Variants in PDE10A observed in about 807,000 individuals in gnomAD.
The protein encoded by PDE10A is phosphodiesterase 10A.
PDE10A carries 39 observed loss-of-function variants against 97.7 expected under a neutral mutation model. That is an observed-to-expected ratio of 0.40 (90% CI 0.31 to 0.52). The LOEUF is 0.52. PDE10A is among the 20% of genes least tolerant of loss of function. The probability of loss-of-function intolerance (pLI) is 0.56; values close to 1 mark genes in which losing one functional copy is unlikely to be tolerated. For missense variants in PDE10A, 731 were observed against 1,047.8 expected (o/e 0.70, Z 4.17); for synonymous variants, 371 against 376.8 (o/e 0.98, Z 0.18).
chr6:165,392,872 T>TACAG, intron 15 of PDE10A, 76 bp from the exon 16 acceptor site: 11 of 1,298,374 alleles, frequency 8.5e-6, no homozygotes, highest in African/African-American at 1.5e-5. Flanking sequence ...CTAGTTTAGG[T>TACAG]ACATATATGT....
chr6:165,581,403 A>G (rs996971694), intron 1 of PDE10A, among the ~76,000 whole-genome samples: 1 of 152,156 alleles, frequency 6.6e-6, no homozygotes. Flanking sequence ...GCTGAGAGAG[A>G]GATTCATGCC....
intron 17 of PDE10A, among the ~76,000 whole-genome samples, chr6:165,384,110 G>A (rs559249328): frequency 6.6e-6 from 1 of 152,238 alleles, no homozygotes; most frequent in South Asian, 2.1e-4. Context: ...TTTTAAACAG[G>A]AGAAAAACAT....
chr6:165,619,069 G>GTAGTCTAGTGTAGTC (rs1562633666), intron 1 of PDE10A, among the ~76,000 whole-genome samples: 4 of 114,116 alleles, frequency 3.5e-5, no homozygotes, highest in African/African-American at 1.6e-4. Flanking sequence ...GTAGTGTAGT[G>GTAGTCTAGTGTAGTC]TAGTGTAGTC....
intron 18 of PDE10A, among the ~76,000 whole-genome samples, chr6:165,353,529 C>T (rs1473281392): frequency 6.6e-6 from 1 of 151,988 alleles, no homozygotes; most frequent in Non-Finnish European, 1.5e-5. Context: ...GGTACATCCA[C>T]ACAATGCAAT....
intron 1 of PDE10A, among the ~76,000 whole-genome samples, chr6:165,911,763 C>T (rs1365816841): frequency 6.6e-6 from 1 of 152,140 alleles, no homozygotes; most frequent in African/African-American, 2.4e-5. Context: ...TCCAGGCCTA[C>T]CCCCAAGAGG....
At chr6:165,369,488 G>GATGAAATGA (rs1406954768) in intron 18 of PDE10A, among the ~76,000 whole-genome samples, 99 of 141,372 alleles carry the variant, frequency 7.0e-4, no homozygotes, top group African/African-American at 2.6e-3. Context: ...AGCAATGGAA[G>GATGAAATGA]ATGAAATGAA....
chr6:165,526,090 G>C (rs1782428086), intron 2 of PDE10A, among the ~76,000 whole-genome samples: 2 of 152,156 alleles, frequency 1.3e-5, no homozygotes, highest in Non-Finnish European at 2.9e-5. Context: ...TTTATGCGGT[G>C]AATCTTTCTC....
chr6:165,770,663 TC>T (rs1170946686), intron 1 of PDE10A, among the ~76,000 whole-genome samples: 1 of 152,114 alleles, frequency 6.6e-6, no homozygotes, highest in East Asian at 1.9e-4. Flanking sequence ...GCCTCCCTCC[TC>T]CCGGGAGAGT....
At chr6:165,646,366 T>C (rs764472962) in intron 1 of PDE10A, among the ~76,000 whole-genome samples, 6 of 152,162 alleles carry the variant, frequency 3.9e-5, no homozygotes, top group Non-Finnish European at 4.4e-5. Context: ...AATTCCAAAG[T>C]ATTATGACCT....
intron 2 of PDE10A, among the ~76,000 whole-genome samples, chr6:165,543,016 T>A (rs1040977521): frequency 6.6e-6 from 1 of 152,208 alleles, no homozygotes; most frequent in Non-Finnish European, 1.5e-5. Flanking sequence ...GCTTTCCCAA[T>A]ATAAAAATTG....
intron 3 of PDE10A, among the ~76,000 whole-genome samples, chr6:165,469,402 C>T (rs1184331292): frequency 1.3e-5 from 2 of 152,268 alleles, no homozygotes; most frequent in East Asian, 1.9e-4. Flanking sequence ...ACGCTCCACA[C>T]GGGTTTCTGA....
intron 1 of PDE10A, among the ~76,000 whole-genome samples, chr6:165,733,933 G>A (rs1165415315): frequency 6.6e-6 from 1 of 151,954 alleles, no homozygotes; most frequent in Non-Finnish European, 1.5e-5. Context: ...TTACACCTAG[G>A]ATCCAAAATG....
chr6:165,569,351 G>A (rs1021843668), intron 1 of PDE10A, among the ~76,000 whole-genome samples: 1 of 152,102 alleles, frequency 6.6e-6, no homozygotes, highest in Non-Finnish European at 1.5e-5. Context: ...ATTTGTCCTG[G>A]GTTCCACATG....
intron 2 of PDE10A, among the ~76,000 whole-genome samples, chr6:165,484,363 G>A (rs758728544): frequency 2.6e-4 from 40 of 152,244 alleles, no homozygotes; most frequent in Non-Finnish European, 5.1e-4. Flanking sequence ...GCAAGCGGGC[G>A]AAGCTTCATC....
chr6:165,425,255 G>A (rs1188859865), intron 10 of PDE10A, among the ~76,000 whole-genome samples: 3 of 152,034 alleles, frequency 2.0e-5, no homozygotes, highest in Admixed American at 2.0e-4. Context: ...ATAAGAAAAT[G>A]TCTTTGGCTA....
intron 3 of PDE10A, among the ~76,000 whole-genome samples, chr6:165,458,001 A>C: frequency 6.6e-6 from 1 of 152,172 alleles, no homozygotes; most frequent in East Asian, 1.9e-4. Flanking sequence ...GCCAACAATA[A>C]ACAAGAAGCC....
chr6:165,378,101 A>G (rs1464555811), intron 18 of PDE10A, among the ~76,000 whole-genome samples: 1 of 152,244 alleles, frequency 6.6e-6, no homozygotes, highest in Non-Finnish European at 1.5e-5. Context: ...CATCAATATC[A>G]TTATACAAAT....
intron 1 of PDE10A, among the ~76,000 whole-genome samples, chr6:165,611,897 T>A (rs899138553): frequency 1.3e-5 from 2 of 152,242 alleles, no homozygotes; most frequent in Non-Finnish European, 2.9e-5. Context: ...TATACTGTCA[T>A]CAGTAATAAC....
intron 1 of PDE10A, among the ~76,000 whole-genome samples, chr6:165,919,041 T>C (rs1404825417): frequency 6.6e-6 from 1 of 152,200 alleles, no homozygotes; most frequent in Non-Finnish European, 1.5e-5. Flanking sequence ...GATTCTATTC[T>C]TGAATAAACA....
Sources: allele counts gnomAD v4.1 joint callset (sites outside exome capture counted in the v4.1 genomes callset), GRCh38; gene constraint gnomAD v4.1.1; transcripts MANE v1.5; gene names NCBI Gene and HGNC (gene_info 2026-07-23, HGNC 2026-07-21).